The following CSMD1 variants were observed in gnomAD, a reference collection of about 807,000 sequenced individuals.
The protein encoded by CSMD1 is CUB and Sushi multiple domains 1, also known as CUB and sushi domain-containing protein 1.
CSMD1 carries 213 observed loss-of-function variants against 417.5 expected under a neutral mutation model. The observed-to-expected ratio is 0.51, with a 90% CI of 0.46 to 0.57. The LOEUF (loss-of-function observed/expected upper bound fraction) is 0.57, where lower values mean the gene tolerates loss of function less well. CSMD1 is among the 20% of genes least tolerant of loss of function. The pLI is 0.00. For missense variants in CSMD1, 6,923 were observed against 4,529.7 expected (o/e 1.53, Z -15.17); for synonymous variants, 2,862 against 1,736.8 (o/e 1.65, Z -16.11).
intron 41 of CSMD1, among the ~76,000 whole-genome samples, chr8:3,126,277 G>C (rs538105917): frequency 6.6e-6 from 1 of 152,342 alleles, no homozygotes; most frequent in South Asian, 2.1e-4. Flanking sequence ...GCTTAGTCTT[G>C]ATGGAAAGAA....
At chr8:3,905,972 C>G (rs1318703912) in intron 5 of CSMD1, among the ~76,000 whole-genome samples, 2 of 152,160 alleles carry the variant, frequency 1.3e-5, no homozygotes, top group African/African-American at 4.8e-5. Flanking sequence ...TTTTATCAAA[C>G]CTGTTCTTTT....
intron 4 of CSMD1, among the ~76,000 whole-genome samples, chr8:4,013,626 T>A (rs1796384646): frequency 6.6e-6 from 1 of 152,202 alleles, no homozygotes; most frequent in Non-Finnish European, 1.5e-5. Context: ...ATTTGCTTAT[T>A]TATGTTATCT....
rs753929762 is a variant in CSMD1, at chr8:3,162,358, A to G, written c.5726-81T>C. On this transcript the variant is annotated intron_variant, in intron 37 of 69. Transcript: ENST00000635120. ...ATTTGAATAACCAAAGTTTATTTCT[A>G]TTGCTCTCCTTCTGTAGAAATGAAC... 4.6e-4 allele frequency: 401 copies of G among 877,460 alleles called. 1 individual carries two copies. The highest frequency in any genetic ancestry group is 1.4e-3 in the South Asian group (97 of 69,538). The allele number at this position is 877,460 out of a possible 1,614,324, so 54.4% of individuals were successfully genotyped here. A position where few individuals can be genotyped will look rare whatever the true frequency, so the allele number is the denominator to read the frequency against.
intron 2 of CSMD1, among the ~76,000 whole-genome samples, chr8:4,428,484 C>T (rs919415700): frequency 1.4e-4 from 22 of 152,170 alleles, no homozygotes; most frequent in African/African-American, 5.1e-4. Flanking sequence ...AGGCTGCATG[C>T]CTGGCATATG....
At chr8:4,825,998 A>G (rs1317444154) in intron 1 of CSMD1, among the ~76,000 whole-genome samples, 1 of 152,030 alleles carries the variant, frequency 6.6e-6, no homozygotes, top group Admixed American at 6.6e-5. Context: ...AGTGTTGGGG[A>G]GGATGTGGAG....
intron 5 of CSMD1, among the ~76,000 whole-genome samples, chr8:3,928,009 A>C (rs1265707940): frequency 1.3e-5 from 2 of 152,156 alleles, no homozygotes; most frequent in Non-Finnish European, 2.9e-5. Context: ...TTAAAATATT[A>C]TCTTTTCTAA....
chr8:3,928,610 T>G (rs1167662098), intron 5 of CSMD1, among the ~76,000 whole-genome samples: 1 of 150,610 alleles, frequency 6.6e-6, no homozygotes, highest in African/African-American at 2.4e-5. Context: ...GATGATGTCA[T>G]AAGAAGGAGA....
At chr8:4,153,018 T>G (rs1330124226) in intron 3 of CSMD1, among the ~76,000 whole-genome samples, 1 of 152,232 alleles carries the variant, frequency 6.6e-6, no homozygotes, top group Non-Finnish European at 1.5e-5. Context: ...TGCATACCAT[T>G]TATTACAATT....
chr8:4,976,785 G>T (rs1284818045), intron 1 of CSMD1, among the ~76,000 whole-genome samples: 1 of 152,128 alleles, frequency 6.6e-6, no homozygotes, highest in Non-Finnish European at 1.5e-5. Flanking sequence ...GTAGGTATAT[G>T]ACACATCACT....
At chr8:3,636,803 T>A (rs1345725255) in intron 7 of CSMD1, among the ~76,000 whole-genome samples, 1 of 152,148 alleles carries the variant, frequency 6.6e-6, no homozygotes, top group Non-Finnish European at 1.5e-5. Context: ...TTTCATACGA[T>A]CATATCTTTT....
intron 1 of CSMD1, among the ~76,000 whole-genome samples, chr8:4,649,749 T>C (rs1803767071): frequency 6.6e-6 from 1 of 152,278 alleles, no homozygotes; most frequent in Non-Finnish European, 1.5e-5. Context: ...TCTTTGTCTC[T>C]ATTTGTGTAG....
At position 4,135,403 on chromosome 8, in the gene CSMD1, A is replaced by T. The variant is rs1714798; in HGVS notation, c.416-103304T>A. 1.8e-4 allele frequency among the ~76,000 whole-genome samples: 24 copies of T among 132,436 alleles called. No individual in the cohort carries two copies. The East Asian group carries it at 3.0e-3, about 17-fold the overall frequency. The allele number at this position is 132,436 out of a possible 152,430, so 86.9% of individuals were successfully genotyped here. A position where few individuals can be genotyped will look rare whatever the true frequency, so the allele number is the denominator to read the frequency against. On this transcript the variant is annotated intron_variant, in intron 3 of 69. Coordinates refer to ENST00000635120, the MANE Select transcript of CSMD1 (RefSeq NM_033225.6). ...GAAAGAGGGGGAAGGAAGGGGAAAG[A>T]GGGAAAGAGGGGGAAGGAAGGGGAA...
At chr8:3,247,217 G>A (rs1338608109) in intron 26 of CSMD1, among the ~76,000 whole-genome samples, 1 of 152,288 alleles carries the variant, frequency 6.6e-6, no homozygotes, top group Admixed American at 6.5e-5. Context: ...AAGTCCTCAT[G>A]CCTTCCTTGA....
chr8:3,825,175 G>A (rs6984269), intron 5 of CSMD1, among the ~76,000 whole-genome samples: 12 of 151,886 alleles, frequency 7.9e-5, no homozygotes, highest in Non-Finnish European at 1.3e-4. Flanking sequence ...CTGTAGGTGA[G>A]GGTTTAGCGT....
At chr8:3,663,905 C>G (rs1298997984) in intron 7 of CSMD1, among the ~76,000 whole-genome samples, 2 of 152,202 alleles carry the variant, frequency 1.3e-5, no homozygotes, top group Non-Finnish European at 2.9e-5. Flanking sequence ...AATAAACTTT[C>G]TAAATTAACT....
intron 25 of CSMD1, among the ~76,000 whole-genome samples, chr8:3,303,748 C>G (rs974854403): frequency 1.3e-5 from 2 of 152,060 alleles, no homozygotes; most frequent in African/African-American, 4.8e-5. Context: ...ATGGCTGTGC[C>G]CAGCAATGAA....
chr8:3,430,819 A>C (rs1814172627), intron 12 of CSMD1, among the ~76,000 whole-genome samples: 1 of 152,156 alleles, frequency 6.6e-6, no homozygotes, highest in African/African-American at 2.4e-5. Flanking sequence ...CAACAACAAC[A>C]AAAAAATTCA....
intron 7 of CSMD1, among the ~76,000 whole-genome samples, chr8:3,674,626 T>C (rs1305758595): frequency 1.5e-4 from 23 of 152,260 alleles, no homozygotes; most frequent in African/African-American, 5.3e-4. Flanking sequence ...AATATCCTTA[T>C]TTTACAGATA....
intron 2 of CSMD1, among the ~76,000 whole-genome samples, chr8:4,609,853 C>G (rs900701163): frequency 1.3e-5 from 2 of 152,076 alleles, no homozygotes; most frequent in African/African-American, 2.4e-5. Context: ...TCTGATAGCT[C>G]TGGTAAAAAT....
Sources: gnomAD v4.1 joint callset for allele counts (sites outside exome capture counted in the v4.1 genomes callset) on GRCh38, gnomAD v4.1.1 for gene constraint, MANE v1.5 for transcripts, NCBI Gene and HGNC (gene_info 2026-07-23, HGNC 2026-07-21) for gene names.